Variants in NRXN3 observed in about 807,000 individuals in gnomAD.
The protein encoded by NRXN3 is neurexin III.
In NRXN3, 32 loss-of-function variants were observed where a neutral mutation model predicts 137.6. The ratio of observed to expected loss-of-function variants is 0.23; its 90% CI spans 0.18 to 0.31. The LOEUF is 0.31. Among genes scored for constraint, NRXN3 ranks in the 10% least tolerant of loss-of-function variants. The pLI is 1.00. For missense variants in NRXN3, 1,574 were observed against 2,062.5 expected (o/e 0.76, Z 4.59); for synonymous variants, 798 against 784.5 (o/e 1.02, Z -0.29).
intron 15 of NRXN3, chr14:79,282,033 AAAG>A (rs147333395): frequency 0.043 from 6,559 of 152,196 alleles, 343 homozygotes; most frequent in African/African-American, 0.12. Context: ...GGGATGGTGA[AAAG>A]AAGGGATTGC....
intron 15 of NRXN3, among the ~76,000 whole-genome samples, chr14:79,227,562 TA>T (rs2071168495): frequency 6.6e-6 from 1 of 152,192 alleles, no homozygotes; most frequent in Non-Finnish European, 1.5e-5. Flanking sequence ...GCATGTTTGT[TA>T]TTTGTCAAGG....
intron 1 of NRXN3, among the ~76,000 whole-genome samples, chr14:78,203,634 T>C (rs1186017164): frequency 1.6e-4 from 24 of 152,204 alleles, no homozygotes; most frequent in Non-Finnish European, 2.1e-4. Flanking sequence ...TTCACCAATC[T>C]GATAAGGTTT....
At chr14:79,441,366 CTTTTTTTTTTTTTT>C (rs869170695) in intron 15 of NRXN3, among the ~76,000 whole-genome samples, 45 of 67,234 alleles carry the variant, frequency 6.7e-4, no homozygotes, top group African/African-American at 2.4e-3. Flanking sequence ...AACAGAAAAT[CTTTTTTTTTTTTTT>C]TTTTTTTTTT....
intron 15 of NRXN3, among the ~76,000 whole-genome samples, chr14:79,050,167 CT>C (rs768834391): frequency 3.3e-5 from 5 of 152,156 alleles, no homozygotes; most frequent in African/African-American, 4.8e-5. Flanking sequence ...GCACTTTCGC[CT>C]TTCTGTTTCT....
At chr14:79,793,653 A>G (rs1232727845) in intron 19 of NRXN3, among the ~76,000 whole-genome samples, 2 of 152,238 alleles carry the variant, frequency 1.3e-5, no homozygotes, top group Non-Finnish European at 2.9e-5. Flanking sequence ...AAATCCAGAA[A>G]AAAAAGTGTT....
intron 15 of NRXN3, among the ~76,000 whole-genome samples, chr14:79,068,778 G>A (rs561059642): frequency 1.3e-4 from 20 of 152,112 alleles, no homozygotes; most frequent in African/African-American, 4.6e-4. Context: ...CAGTGAATAC[G>A]TATGCACAGT....
intron 1 of NRXN3, among the ~76,000 whole-genome samples, chr14:78,238,168 C>T (rs548182909): frequency 6.7e-6 from 1 of 150,166 alleles, no homozygotes; most frequent in African/African-American, 2.5e-5. Context: ...CCTGCCCCCT[C>T]CTAAGCAGCC....
At chr14:79,510,011 G>A (rs1013498343) in intron 16 of NRXN3, among the ~76,000 whole-genome samples, 2 of 152,312 alleles carry the variant, frequency 1.3e-5, no homozygotes, top group South Asian at 4.1e-4. Context: ...AGTGCTCACA[G>A]ATGTGGGGAA....
chr14:78,806,793 A>G (rs1054807709), intron 9 of NRXN3, among the ~76,000 whole-genome samples: 11 of 152,160 alleles, frequency 7.2e-5, no homozygotes, highest in African/African-American at 2.7e-4. Context: ...AAGCTATAAC[A>G]TTTTATTATT....
At chr14:79,190,233 C>G (rs561959099) in intron 15 of NRXN3, among the ~76,000 whole-genome samples, 19 of 151,958 alleles carry the variant, frequency 1.3e-4, no homozygotes, top group South Asian at 6.2e-4. Flanking sequence ...TTTTAATCAT[C>G]ATCAGGCTAT....
chr14:79,035,851 G>A (rs575029581), intron 15 of NRXN3, among the ~76,000 whole-genome samples: 1 of 152,052 alleles, frequency 6.6e-6, no homozygotes, highest in African/African-American at 2.4e-5. Flanking sequence ...TGTTTGTGGG[G>A]GATGGATGGA....
chr14:79,838,470 A>C (rs1207385619), intron 20 of NRXN3, among the ~76,000 whole-genome samples: 1 of 152,176 alleles, frequency 6.6e-6, no homozygotes, highest in East Asian at 1.9e-4. Context: ...TTTTTTTTAG[A>C]TAGATACCTC....
intron 10 of NRXN3, among the ~76,000 whole-genome samples, chr14:78,923,185 C>T (rs903657937): frequency 3.3e-5 from 5 of 152,196 alleles, no homozygotes; most frequent in African/African-American, 1.2e-4. Context: ...TGAGCACACC[C>T]TATTGCTTGA....
At chr14:79,362,420 G>C (rs971623956) in intron 15 of NRXN3, among the ~76,000 whole-genome samples, 1 of 151,978 alleles carries the variant, frequency 6.6e-6, no homozygotes, top group African/African-American at 2.4e-5. Flanking sequence ...ATTTGGAACG[G>C]TACTGGTTAA....
chr14:79,142,166 C>T (rs770299308), intron 15 of NRXN3, among the ~76,000 whole-genome samples: 8 of 152,250 alleles, frequency 5.3e-5, no homozygotes, highest in East Asian at 1.9e-4. Context: ...CGGTGGCTCA[C>T]GCTTGTAATT....
At chr14:79,711,065 A>C (rs747504711) in intron 19 of NRXN3, among the ~76,000 whole-genome samples, 2 of 152,252 alleles carry the variant, frequency 1.3e-5, no homozygotes, top group Non-Finnish European at 2.9e-5. Context: ...TATTCAAAAA[A>C]GACCAAATTT....
intron 4 of NRXN3, among the ~76,000 whole-genome samples, chr14:78,446,385 T>C (rs2094420422): frequency 6.6e-6 from 1 of 151,468 alleles, no homozygotes; most frequent in African/African-American, 2.4e-5. Context: ...ACACCCACTA[T>C]GTGCTTAACA....
chr14:79,087,404 A>T (rs1225300404), intron 15 of NRXN3, among the ~76,000 whole-genome samples: 1 of 152,136 alleles, frequency 6.6e-6, no homozygotes, highest in Non-Finnish European at 1.5e-5. Context: ...GGCACAACAG[A>T]CAAGGAAGAG....
chr14:78,845,534 A>T (rs1158056729), intron 10 of NRXN3, among the ~76,000 whole-genome samples: 1 of 151,780 alleles, frequency 6.6e-6, no homozygotes, highest in Non-Finnish European at 1.5e-5. Flanking sequence ...CTCCCCACTG[A>T]CTTCTGCTCC....
Sources: allele counts gnomAD v4.1 joint callset (sites outside exome capture counted in the v4.1 genomes callset), GRCh38; gene constraint gnomAD v4.1.1; transcripts MANE v1.5; gene names NCBI Gene and HGNC (gene_info 2026-07-23, HGNC 2026-07-21).